ANKS1B: variants seen among roughly 807,000 people sequenced by gnomAD.
The protein encoded by ANKS1B is ankyrin repeat and sterile alpha motif domain-containing protein 1B.
In ANKS1B, 36 loss-of-function variants were observed where a neutral mutation model predicts 148.3. The ratio of observed to expected loss-of-function variants is 0.24; its 90% CI spans 0.19 to 0.32. The LOEUF (loss-of-function observed/expected upper bound fraction) is 0.32. Among genes scored for constraint, ANKS1B ranks in the 10% least tolerant of loss-of-function variants. ANKS1B has a pLI of 1.00. For missense variants in ANKS1B, 1,157 were observed against 1,542.6 expected (o/e 0.75, Z 4.19); for synonymous variants, 542 against 560.8 (o/e 0.97, Z 0.47).
intron 9 of ANKS1B, among the ~76,000 whole-genome samples, chr12:99,537,642 A>G (rs1394676913): frequency 6.6e-6 from 1 of 152,278 alleles, no homozygotes; most frequent in African/African-American, 2.4e-5. Flanking sequence ...CACACTCTAT[A>G]TATTCTGGTT....
Position 98,776,928 on chromosome 12 carries a change from T to C in ANKS1B, c.3442-3749A>G, listed in dbSNP as rs890716125. 6.6e-5 allele frequency among the ~76,000 whole-genome samples: 10 copies of C among 152,238 alleles called. 1 individual carries two copies. The highest frequency in any genetic ancestry group is 5.9e-4 in the Admixed American group (9 of 15,288). On this transcript the variant is annotated intron_variant, in intron 24 of 26. Transcript: ENST00000683438. ...ATGGGAGGCCCACTGCAGTGACTCA[T>C]GTCTGTAATTCCAGTGCTTTGGGAA...
Position 99,896,289 on chromosome 12 carries a change from T to C in ANKS1B, c.135-70900A>G, listed in dbSNP as rs564884912. On this transcript the variant is annotated intron_variant, in intron 1 of 26. Transcript: ENST00000683438. ...ACCACTCTTCTATTCTCTGTTTCCA[T>C]GTACTTGAAGTTTCATTTCGTTTTG... is the stretch of plus-strand genomic sequence containing the variant. Among the ~76,000 whole-genome samples the C allele has an allele frequency of 2.6e-5, 4 of 151,420 alleles. 1 individual carries two copies. Among genetic ancestry groups the C allele is most frequent in the African/African-American group, 7.2e-5 (3 of 41,466 alleles).
intron 11 of ANKS1B, among the ~76,000 whole-genome samples, chr12:99,410,727 G>T (rs1460599339): frequency 2.0e-5 from 3 of 152,138 alleles, no homozygotes; most frequent in Non-Finnish European, 4.4e-5. Context: ...AGGAGGTAAA[G>T]TTGAACAGAC....
rs184181466 is a variant in ANKS1B at position 99,418,656 on chromosome 12, C to A, written c.1576-18845G>T. ...TATTTTTTTGTTTTTCTTCTTGGCACAGGTTAGAGCTTCCAGCACTATGTT... is the reference window on the plus strand; with the variant it reads ...TATTTTTTTGTTTTTCTTCTTGGCAAAGGTTAGAGCTTCCAGCACTATGTT... On this transcript the variant is annotated intron_variant, in intron 11 of 26. Transcript: ENST00000683438. Among the ~76,000 whole-genome samples, 153 of 152,174 alleles carry A rather than the reference C, an allele frequency of 1.0e-3. 1 individual carries two copies. Among genetic ancestry groups the A allele is most frequent in the African/African-American group, 3.5e-3 (144 of 41,532 alleles).
At chr12:98,808,030 TA>T (rs546481905) in intron 19 of ANKS1B, 112 bp from the exon 20 acceptor site, 10 of 809,808 alleles carry the variant, frequency 1.2e-5, no homozygotes, top group Non-Finnish European at 1.9e-5. Flanking sequence ...GAATCACATT[TA>T]AAAAAAACTC....
At chr12:99,137,298 T>C (rs557020912) in intron 15 of ANKS1B, among the ~76,000 whole-genome samples, 4 of 152,260 alleles carry the variant, frequency 2.6e-5, no homozygotes, top group African/African-American at 9.6e-5. Flanking sequence ...GTAATTACCA[T>C]CCCTGGACGC....
chr12:99,170,814 C>T (rs1426104629), intron 14 of ANKS1B, among the ~76,000 whole-genome samples: 1 of 152,158 alleles, frequency 6.6e-6, no homozygotes, highest in Non-Finnish European at 1.5e-5. Flanking sequence ...GCAGCCTGGT[C>T]TTTGCAATTT....
chr12:99,268,429 A>G (rs188009813), intron 12 of ANKS1B, among the ~76,000 whole-genome samples: 78 of 152,274 alleles, frequency 5.1e-4, no homozygotes, highest in African/African-American at 1.9e-3. Context: ...TTGAGTGAAA[A>G]TCAGACCGGC....
chr12:99,657,650 T>TACATATAG (rs1341813877), intron 8 of ANKS1B, among the ~76,000 whole-genome samples: 2 of 136,036 alleles, frequency 1.5e-5, no homozygotes, highest in African/African-American at 5.7e-5. Flanking sequence ...AAAGAGTATA[T>TACATATAG]ATATATATAT....
intron 9 of ANKS1B, among the ~76,000 whole-genome samples, chr12:99,541,513 G>A (rs1200990329): frequency 6.6e-6 from 1 of 151,932 alleles, no homozygotes; most frequent in Non-Finnish European, 1.5e-5. Flanking sequence ...TAGAATAAAG[G>A]ACAAAATCCA....
At chr12:99,093,805 A>G (rs1450784443) in intron 15 of ANKS1B, among the ~76,000 whole-genome samples, 1 of 152,198 alleles carries the variant, frequency 6.6e-6, no homozygotes, top group Non-Finnish European at 1.5e-5. Flanking sequence ...CTTGACACTG[A>G]GAACTACATT....
At chr12:99,744,890 G>T (rs2153585669) in intron 8 of ANKS1B, among the ~76,000 whole-genome samples, 1 of 150,900 alleles carries the variant, frequency 6.6e-6, no homozygotes, top group African/African-American at 2.4e-5. Flanking sequence ...TACTCAGGAG[G>T]CTGAGGCAGG....
chr12:99,631,837 G>A (rs577690429), intron 9 of ANKS1B, among the ~76,000 whole-genome samples: 3 of 152,252 alleles, frequency 2.0e-5, no homozygotes, highest in African/African-American at 7.2e-5. Flanking sequence ...GAAAGATTTG[G>A]AAAATGCTCA....
At chr12:99,579,736 C>T (rs547150355) in intron 9 of ANKS1B, among the ~76,000 whole-genome samples, 7 of 152,032 alleles carry the variant, frequency 4.6e-5, no homozygotes, top group African/African-American at 7.2e-5. Flanking sequence ...AGGGAATGCT[C>T]ATACTTTATT....
intron 17 of ANKS1B, among the ~76,000 whole-genome samples, chr12:98,848,684 G>C (rs919934042): frequency 7.0e-6 from 1 of 142,304 alleles, no homozygotes; most frequent in African/African-American, 2.6e-5. Context: ...TCAGTCTCCA[G>C]AGTAGCTGGA....
intron 1 of ANKS1B, among the ~76,000 whole-genome samples, chr12:99,888,719 C>G (rs1202796615): frequency 2.0e-5 from 3 of 152,254 alleles, no homozygotes; most frequent in African/African-American, 4.8e-5. Context: ...GCAGGGCAGT[C>G]TGTGGGCCTC....
intron 8 of ANKS1B, among the ~76,000 whole-genome samples, chr12:99,767,033 A>G (rs1403246575): frequency 6.6e-6 from 1 of 152,170 alleles, no homozygotes; most frequent in Admixed American, 6.6e-5. Flanking sequence ...GAACTAAATT[A>G]AGTATATTTT....
At position 98,979,067 on chromosome 12, in the gene ANKS1B, G is replaced by A. The variant is rs530804103; in HGVS notation, c.2778+74090C>T. Among the ~76,000 whole-genome samples, 394 of 151,676 alleles carry A rather than the reference G, an allele frequency of 2.6e-3. 2 individuals are homozygous for A. Among genetic ancestry groups the A allele is most frequent in the African/African-American group, 8.9e-3 (370 of 41,392 alleles). On this transcript the variant is annotated intron_variant, in intron 17 of 26. Coordinates refer to ENST00000683438, the MANE Select transcript of ANKS1B (RefSeq NM_001352186.2). ...TGAGGCAGGAGAATGGCGTGAACCC[G>A]GGAGGCGGAGCTTGCAGTGAGCTGA... is the stretch of plus-strand genomic sequence containing the variant.
intron 15 of ANKS1B, among the ~76,000 whole-genome samples, chr12:99,132,424 T>C (rs962178374): frequency 3.7e-4 from 56 of 151,804 alleles, no homozygotes; most frequent in Non-Finnish European, 1.6e-4. Context: ...GAGGACTGCT[T>C]GAGCCCAGGA....
Sources: allele counts gnomAD v4.1 joint callset (sites outside exome capture counted in the v4.1 genomes callset), GRCh38; gene constraint gnomAD v4.1.1; transcripts MANE v1.5; gene names NCBI Gene and HGNC (gene_info 2026-07-23, HGNC 2026-07-21).